Variants in GRTP1 observed in about 807,000 individuals in gnomAD.
The protein encoded by GRTP1 is growth hormone regulated TBC protein 1, also known as growth hormone-regulated TBC protein 1.
A neutral mutation model predicts 38.1 loss-of-function variants in GRTP1; 56 were observed. The ratio of observed to expected loss-of-function variants is 1.47; its 90% confidence interval spans 1.19 to 1.84. The LOEUF is 1.84. Ranked by LOEUF, GRTP1 falls within the 40% of genes most tolerant of loss-of-function variation. The probability of loss-of-function intolerance (pLI) is 0.00; values close to 1 mark genes in which losing one functional copy is unlikely to be tolerated. For missense variants in GRTP1, 506 were observed against 453.9 expected (o/e 1.11, Z -1.04); for synonymous variants, 217 against 189.5 (o/e 1.14, Z -1.19).
chr13:113,325,409 A>T, intron 7 of GRTP1: 1 of 1,438,594 alleles, frequency 7.0e-7, no homozygotes, highest in African/African-American at 1.4e-5. Context: ...CACACAGCAG[A>T]TGAGTACAGC....
At chr13:113,353,629 G>A (rs2043326463) in intron 3 of GRTP1, among the ~76,000 whole-genome samples, 1 of 151,878 alleles carries the variant, frequency 6.6e-6, no homozygotes, top group Admixed American at 6.6e-5. Context: ...TGACAATGGG[G>A]ATGGCACAGA....
In GRTP1 at chr13:113,344,900, A is replaced by G. The variant is rs1481958119; in HGVS notation, c.525T>C (p.Phe175=). 2 of 1,606,388 alleles carry G rather than the reference A, an allele frequency of 1.2e-6. No homozygotes were observed. Among genetic ancestry groups the G allele is most frequent in the African/African-American group, 1.3e-5 (1 of 74,702 alleles). The change falls in exon 5 of 8, where the codon TTT becomes TTC. Residue 175 remains phenylalanine (F), a synonymous_variant. Coordinates refer to ENST00000375431, the MANE Select transcript of GRTP1 (RefSeq NM_024719.4). ...TTCCAACAAGAGCATCTAACAGCCA[A>G]AAAGATTCTTCTTCATTATTTGTTA... ...ILITNNEEES[F]WLLDALVGRI... is the part of the protein sequence containing the mutation.
intron 3 of GRTP1, among the ~76,000 whole-genome samples, chr13:113,353,931 A>G (rs528040979): frequency 3.5e-4 from 54 of 152,192 alleles, no homozygotes; most frequent in African/African-American, 1.2e-3. Flanking sequence ...GTGGTGGTGC[A>G]CACCTGTGGT....
At chr13:113,357,082 T>G (rs79942807) in intron 2 of GRTP1, among the ~76,000 whole-genome samples, 2 of 21,052 alleles carry the variant, frequency 9.5e-5, no homozygotes, top group Non-Finnish European at 2.1e-4. Flanking sequence ...GAGGCCAAGG[T>G]GGGCAGATCA....
In GRTP1 at chr13:113,325,824, C is replaced by T; in HGVS notation, c.758G>A (p.Cys253Tyr). Reference sequence around the variant, plus strand: ...AATCTTCGAGCCTTCGTTAAACAAACAGTCCCAGATCCGAAGCACTGTCTG... The same window carrying T: ...AATCTTCGAGCCTTCGTTAAACAAATAGTCCCAGATCCGAAGCACTGTCTG... ...PVETVLRIWD[C>Y]LFNEGSKIIF... Residue 253 changes from cysteine (C) to tyrosine (Y), a missense_variant, in exon 7 of 8, where the codon TGT becomes TAT. Cys to Tyr is a radical substitution (Grantham distance 194). Transcript: ENST00000375431. The T allele has an allele frequency of 6.2e-7, 1 of 1,614,080 alleles. No homozygotes were observed. Among genetic ancestry groups the T allele is most frequent in the Non-Finnish European group, 8.5e-7 (1 of 1,179,982 alleles).
rs1296175818 is a variant in GRTP1, at chr13:113,350,851, G to A, written c.463C>T (p.Gln155Ter). Residue 155 changes from glutamine (Q) to a stop codon, truncating the protein, a stop_gained and splice_region_variant, in exon 4 of 8, where the codon CAG becomes TAG. Coordinates refer to ENST00000375431, the MANE Select transcript of GRTP1 (RefSeq NM_024719.4). LOFTEE classifies it high-confidence loss of function. The stretch of plus-strand genomic sequence containing the variant: ...CGTCAGAGGGTCCCGAGGCTCACCT[G>A]GCAGTAGCCCACTCCCTGGTTATGG... ...GHHNQGVGYC[Q>*]GMNFIAGYLI... 1.3e-6 allele frequency: 2 copies of A among 1,569,056 alleles called. No homozygotes were observed. Among genetic ancestry groups the A allele is most frequent in the African/African-American group, 2.7e-5 (2 of 74,030 alleles).
intron 2 of GRTP1, among the ~76,000 whole-genome samples, chr13:113,356,276 TA>T (rs1173839267): frequency 1.3e-5 from 2 of 152,276 alleles, no homozygotes; most frequent in African/African-American, 4.8e-5. Context: ...TATTTTATTT[TA>T]TTTTTTTCGA....
At chr13:113,346,105 AGAAC>A in intron 4 of GRTP1, among the ~76,000 whole-genome samples, 2 of 91,236 alleles carry the variant, frequency 2.2e-5, no homozygotes, top group Non-Finnish European at 4.3e-5. Context: ...TCTGTGGCCG[AGAAC>A]AGACCCGGGA....
At chr13:113,359,021 T>C (rs1021338905) in intron 2 of GRTP1, among the ~76,000 whole-genome samples, 2 of 152,186 alleles carry the variant, frequency 1.3e-5, no homozygotes, top group African/African-American at 4.8e-5. Context: ...AATGGGTTTT[T>C]AAAAATTGTA....
rs570599187 is a variant in GRTP1, at chr13:113,353,172, G to A, written c.340+2151C>T. Among the ~76,000 whole-genome samples, 132 of 148,022 alleles carry A rather than the reference G, an allele frequency of 8.9e-4. 1 individual carries two copies. Among genetic ancestry groups the A allele is most frequent in the African/African-American group, 3.2e-3 (127 of 39,744 alleles). On this transcript the variant is annotated intron_variant, in intron 3 of 7. Coordinates refer to ENST00000375431, the MANE Select transcript of GRTP1 (RefSeq NM_024719.4). ...GGGACCCAGCCCCACACTCTGGGTA[G>A]GAACCCACAGCTGAAAGCAGGGGCC...
At chr13:113,326,148 C>G in intron 5 of GRTP1, 57 bp from the exon 6 acceptor site, 2 of 1,586,484 alleles carry the variant, frequency 1.3e-6, no homozygotes, top group Non-Finnish European at 1.7e-6. Context: ...CCACAAGCCC[C>G]ATTCCCCTCA....
In GRTP1 at chr13:113,349,081, A is replaced by G. The variant is rs117433136; in HGVS notation, c.465+1768T>C. 0.026 allele frequency among the ~76,000 whole-genome samples: 3,906 copies of G among 152,254 alleles called. 88 individuals are homozygous for G. The highest frequency in any genetic ancestry group is 0.041 in the Non-Finnish European group (2,821 of 68,014). On this transcript the variant is annotated intron_variant, in intron 4 of 7. Coordinates refer to ENST00000375431, the MANE Select transcript of GRTP1 (RefSeq NM_024719.4). This position sits in a 1 kb window ranked among gnomAD's most constrained non-coding sequence, Gnocchi z 5.0. The stretch of plus-strand genomic sequence containing the variant: ...GAGATGGGGTCTTGCTCTATTGCCC[A>G]GGCTGGTCTTGAACTCTTGGCCTCA...
chr13:113,336,481 G>A (rs927092405), intron 5 of GRTP1, among the ~76,000 whole-genome samples: 3 of 152,120 alleles, frequency 2.0e-5, no homozygotes, highest in Non-Finnish European at 4.4e-5. Context: ...ACCAGGCCAG[G>A]ATTCTCCACT....
In GRTP1 at chr13:113,324,272, TAAG is replaced by T. The variant is rs1218345542; in HGVS notation, c.*213_*215del. 1 of 572,650 alleles carries T rather than the reference TAAG, an allele frequency of 1.7e-6. No homozygotes were observed. Among genetic ancestry groups the T allele is most frequent in the African/African-American group, 1.9e-5 (1 of 51,538 alleles). The allele number at this position is 572,650 out of a possible 1,614,324, so 35.5% of individuals were successfully genotyped here. A position where few individuals can be genotyped will look rare whatever the true frequency, so the allele number is the denominator to read the frequency against. On this transcript the variant is annotated 3_prime_UTR_variant, in exon 8 of 8. Coordinates refer to ENST00000375431, the MANE Select transcript of GRTP1 (RefSeq NM_024719.4). Reference sequence around the variant, plus strand: ...ATATTATTGATCTCTCAGGTAAAAATAAGTTTTCTTTAAAAAGTATGACTTCAT... The same window carrying T: ...ATATTATTGATCTCTCAGGTAAAAATTTTTCTTTAAAAAGTATGACTTCAT...
At chr13:113,325,164 T>C in intron 7 of GRTP1, 1 of 1,044,692 alleles carries the variant, frequency 9.6e-7, no homozygotes, top group Non-Finnish European at 1.2e-6. Context: ...GCCCAGCTGC[T>C]GAAATACCGC....
intron 4 of GRTP1, among the ~76,000 whole-genome samples, chr13:113,350,294 G>C (rs1253941044): frequency 1.3e-5 from 2 of 152,074 alleles, no homozygotes; most frequent in East Asian, 3.9e-4. Context: ...GAGGCGCAAG[G>C]ACTCTCCCAA....
rs983579493 is a variant in GRTP1 at position 113,348,033 on chromosome 13, C to T, written c.465+2816G>A. Among the ~76,000 whole-genome samples, 4 of 143,268 alleles carry T rather than the reference C, an allele frequency of 2.8e-5. No individual in the cohort carries two copies. The highest frequency in any genetic ancestry group is 7.0e-5 in the Admixed American group (1 of 14,292). The allele number at this position is 143,268 out of a possible 152,430, so 94.0% of individuals were successfully genotyped here. On this transcript the variant is annotated intron_variant, in intron 4 of 7. Transcript: ENST00000375431. This position sits in a 1 kb window ranked among gnomAD's most constrained non-coding sequence, Gnocchi z 4.8. ...GCGGACCTGGGAGGACCTGTCTGGC[C>T]GAGTGGACCCGGGAGGATCTCCGTG...
At chr13:113,324,661 G>A (rs1449565360) in intron 7 of GRTP1, 84 bp from the exon 8 acceptor site, 1 of 1,515,028 alleles carries the variant, frequency 6.6e-7, no homozygotes, top group African/African-American at 1.4e-5. Flanking sequence ...CAGGCAGACA[G>A]GCCTCGTGTG....
At position 113,363,808 on chromosome 13, in the gene GRTP1, T is replaced by C. The variant is rs916672376; in HGVS notation, c.135A>G (p.Lys45=). 1 of 1,611,374 alleles carries C rather than the reference T, an allele frequency of 6.2e-7. No homozygotes were observed. The highest frequency in any genetic ancestry group is 1.3e-5 in the African/African-American group (1 of 74,770). The change falls in exon 2 of 8, where the codon AAA becomes AAG. Residue 45 remains lysine (K), a synonymous_variant. Coordinates refer to ENST00000375431, the MANE Select transcript of GRTP1 (RefSeq NM_024719.4). ...CCCCGCCCTGCAGCAGCCGGGACCA[T>C]TTGATCGCCCTGCGGGTGAGCGTGA... ...YLVTLTRRAI[K]WSRLLQGGGV...
Sources: gnomAD v4.1 joint callset for allele counts (sites outside exome capture counted in the v4.1 genomes callset) on GRCh38, gnomAD v4.1.1 for gene constraint, Gnocchi (gnomAD v3.1) non-coding constraint, MANE v1.5 for transcripts, NCBI Gene and HGNC (gene_info 2026-07-23, HGNC 2026-07-21) for gene names.